Variants in VTI1A observed in about 807,000 individuals in gnomAD.
VTI1A encodes vesicle transport through interaction with t-SNAREs 1A.
VTI1A carries 22 observed loss-of-function variants against 34.9 expected under a neutral mutation model. The observed-to-expected ratio is 0.63, with a 90% CI of 0.45 to 0.90. The LOEUF (loss-of-function observed/expected upper bound fraction) is 0.90. Ranked by LOEUF, VTI1A falls within the 40% of genes least tolerant of loss-of-function variation. The pLI is 0.00. For missense variants in VTI1A, 268 were observed against 275.6 expected, an observed-to-expected ratio of 0.97 and a Z score of 0.20; for synonymous variants, 87 against 97.3, an observed-to-expected ratio of 0.89 and a Z score of 0.62.
intron 5 of VTI1A, among the ~76,000 whole-genome samples, chr10:112,617,370 G>A (rs1045491884): frequency 2.0e-5 from 3 of 151,922 alleles, no homozygotes; most frequent in Non-Finnish European, 2.9e-5. Flanking sequence ...TTACTAAAGG[G>A]GTTTTTTAAA....
At chr10:112,847,867 T>A in the VTI1A span, among the ~76,000 whole-genome samples, 1 of 152,206 alleles carries the variant, frequency 6.6e-6, no homozygotes, top group African/African-American at 2.4e-5. Context: ...TGCCAGACAC[T>A]GTGCCTAGTT....
At chr10:112,552,178 A>G (rs1004434924) in intron 5 of VTI1A, among the ~76,000 whole-genome samples, 1 of 152,324 alleles carries the variant, frequency 6.6e-6, no homozygotes, top group South Asian at 2.1e-4. Context: ...CTGTTAACTC[A>G]TCGTATCAAT....
intron 7 of VTI1A, among the ~76,000 whole-genome samples, chr10:112,813,671 A>T (rs1853401493): frequency 6.6e-6 from 1 of 152,154 alleles, no homozygotes; most frequent in Admixed American, 6.5e-5. Flanking sequence ...TCCTGTTTTT[A>T]TTTATTTATT....
chr10:112,502,419 C>T (rs772132787), intron 3 of VTI1A, among the ~76,000 whole-genome samples: 1 of 152,062 alleles, frequency 6.6e-6, no homozygotes, highest in Non-Finnish European at 1.5e-5. Flanking sequence ...ATCTGTGTTG[C>T]AGTTATACCT....
At chr10:112,811,019 T>G (rs1284527574) in intron 7 of VTI1A, among the ~76,000 whole-genome samples, 1 of 152,214 alleles carries the variant, frequency 6.6e-6, no homozygotes, top group Non-Finnish European at 1.5e-5. Context: ...CCAGAGCCTC[T>G]CTTGGCTTGG....
At chr10:112,769,005 T>G (rs577605777) in intron 7 of VTI1A, among the ~76,000 whole-genome samples, 7 of 152,364 alleles carry the variant, frequency 4.6e-5, no homozygotes, top group African/African-American at 1.7e-4. Flanking sequence ...TTTTTGGTTT[T>G]GTTTTGTTTA....
chr10:112,550,349 G>GTT (rs56846103), intron 5 of VTI1A, among the ~76,000 whole-genome samples: 17 of 142,322 alleles, frequency 1.2e-4, no homozygotes, highest in Middle Eastern at 3.6e-3. Flanking sequence ...GTGCCAGAAG[G>GTT]TTTTTTTTTT....
At chr10:112,768,101 G>A (rs1401036929) in intron 7 of VTI1A, among the ~76,000 whole-genome samples, 3 of 152,188 alleles carry the variant, frequency 2.0e-5, no homozygotes, top group African/African-American at 4.8e-5. Context: ...TTCCACTTCC[G>A]ATTTTGACCT....
At chr10:112,640,600 T>A (rs992864629) in intron 5 of VTI1A, among the ~76,000 whole-genome samples, 5 of 152,106 alleles carry the variant, frequency 3.3e-5, no homozygotes, top group Non-Finnish European at 5.9e-5. Flanking sequence ...TAAATATTGA[T>A]GTGGATCAGG....
chr10:112,684,002 C>T (rs1848311272), intron 7 of VTI1A, among the ~76,000 whole-genome samples: 1 of 150,794 alleles, frequency 6.6e-6, no homozygotes, highest in African/African-American at 2.4e-5. Flanking sequence ...GAGATCGTGC[C>T]ACTGCACGCC....
chr10:112,684,775 C>T (rs1848344860), intron 7 of VTI1A, among the ~76,000 whole-genome samples: 1 of 152,110 alleles, frequency 6.6e-6, no homozygotes, highest in Non-Finnish European at 1.5e-5. Context: ...TTCTTGAGTT[C>T]TTAGCTCTCT....
rs150092982 is a variant in VTI1A, at chr10:112,588,929, A to G, written c.427+50599A>G. Among the ~76,000 whole-genome samples the G allele has an allele frequency of 1.7e-3, 252 of 152,048 alleles. 2 individuals are homozygous for G. Among genetic ancestry groups the G allele is most frequent in the African/African-American group, 4.6e-3 (192 of 41,488 alleles). ...TCACTTGCAGAACACAGTTCCTGGA[A>G]GGGATAGAGGTATTTATTTCAGTCA... On this transcript the variant is annotated intron_variant, in intron 5 of 7. Transcript: ENST00000393077.
intron 5 of VTI1A, among the ~76,000 whole-genome samples, chr10:112,619,190 G>T (rs1331043740): frequency 6.6e-6 from 1 of 151,998 alleles, no homozygotes; most frequent in East Asian, 1.9e-4. Flanking sequence ...TGATTGAAGG[G>T]ATAAGTATAT....
intron 7 of VTI1A, among the ~76,000 whole-genome samples, chr10:112,714,397 C>A (rs1300586894): frequency 6.6e-6 from 1 of 152,170 alleles, no homozygotes; most frequent in East Asian, 1.9e-4. Context: ...ATTGTCATCA[C>A]CTCCTGCAGA....
At chr10:112,830,849 A>ATATTTTTTTTTT in the VTI1A span, among the ~76,000 whole-genome samples, 6 of 33,496 alleles carry the variant, frequency 1.8e-4, no homozygotes, top group East Asian at 1.5e-3. Context: ...ATATATATAT[A>ATATTTTTTTTTT]TTTTTTTTTT....
chr10:112,795,937 G>A lies in VTI1A; in HGVS notation c.561-19353G>A, dbSNP rs577780632. On this transcript the variant is annotated intron_variant, in intron 7 of 7. Coordinates refer to ENST00000393077, the MANE Select transcript of VTI1A (RefSeq NM_145206.4). Reference sequence around the variant, plus strand: ...ATAAACACCATTAACACTTGGCTGCGTTTCCTTCCAGTTCTTTTTCTTTCT... The same window carrying A: ...ATAAACACCATTAACACTTGGCTGCATTTCCTTCCAGTTCTTTTTCTTTCT... Among the ~76,000 whole-genome samples the A allele has an allele frequency of 9.9e-5, 15 of 152,178 alleles. No homozygotes were observed. In the South Asian group the frequency reaches 1.9e-3, roughly 19 times the overall value.
chr10:112,747,399 A>G (rs1311782068), intron 7 of VTI1A, among the ~76,000 whole-genome samples: 2 of 152,236 alleles, frequency 1.3e-5, no homozygotes, highest in South Asian at 2.1e-4. Context: ...GCTGTAAGGT[A>G]TATCCTATAG....
chr10:112,496,525 C>T (rs939965257), intron 3 of VTI1A, among the ~76,000 whole-genome samples: 12 of 151,764 alleles, frequency 7.9e-5, no homozygotes, highest in South Asian at 2.1e-4. Context: ...GAACCGAGAT[C>T]GGGCCACTGC....
intron 7 of VTI1A, among the ~76,000 whole-genome samples, chr10:112,679,451 C>T (rs1307620665): frequency 6.6e-6 from 1 of 151,762 alleles, no homozygotes; most frequent in Non-Finnish European, 1.5e-5. Flanking sequence ...TTATCTCTAA[C>T]ATTTTTGACA....
Sources: allele counts gnomAD v4.1 joint callset (sites outside exome capture counted in the v4.1 genomes callset), GRCh38; gene constraint gnomAD v4.1.1; transcripts MANE v1.5; gene names NCBI Gene and HGNC (gene_info 2026-07-23, HGNC 2026-07-21).